The following CHD3 variants were observed in gnomAD, a reference collection of about 807,000 sequenced individuals.
The protein encoded by CHD3 is ATP-dependent chromatin remodeler CHD3.
In CHD3, 52 loss-of-function variants were observed where a neutral mutation model predicts 248.9. That is an observed-to-expected ratio of 0.21 (90% CI 0.17 to 0.26). The LOEUF is 0.26. Among genes scored for constraint, CHD3 ranks in the 10% least tolerant of loss-of-function variants. The pLI, the probability that CHD3 is intolerant of heterozygous loss-of-function variation, is 1.00. For missense variants in CHD3, 1,482 were observed against 2,605.8 expected (o/e 0.57, Z 9.39); for synonymous variants, 985 against 985.2 (o/e 1.00, Z 0.00).
chr17:7,901,083 GGT>G, intron 19 of CHD3, 90 bp downstream of exon 19: 1 of 1,535,262 alleles, frequency 6.5e-7, no homozygotes, highest in South Asian at 1.2e-5. Flanking sequence ...GAGCCACAGG[GGT>G]GGAGCTGGGC....
At position 7,899,630 on chromosome 17, in the gene CHD3, C is replaced by T; in HGVS notation, c.2544+87C>T. On this transcript the variant is annotated intron_variant, in intron 15 of 39. Coordinates refer to ENST00000330494, the MANE Select transcript of CHD3 (RefSeq NM_001005273.3). The surrounding 1 kb of genome is among the most constrained non-coding windows in gnomAD (Gnocchi z 6.8). ...AGGAATTCAGTTTCTCTATTCCCCT[C>T]CTCACCTTTCTCCTCTTCCTCCACC... is the stretch of plus-strand genomic sequence containing the variant. The T allele has an allele frequency of 1.5e-6, 2 of 1,351,150 alleles. No individual in the cohort carries two copies. The highest frequency in any genetic ancestry group is 1.3e-5 in the South Asian group (1 of 77,844). The allele number at this position is 1,351,150 out of a possible 1,614,324, so 83.7% of individuals were successfully genotyped here.
In CHD3 at chr17:7,906,012, T is replaced by A. The variant is rs1183422477; in HGVS notation, c.4358+23T>A. ...TAAGTGAGTGTGGGTGATACAGGGC[T>A]GAGTTGGACGCAAGGGGAAGAGCTT... On this transcript the variant is annotated intron_variant, in intron 28 of 39. Transcript: ENST00000330494. The surrounding 1 kb of genome is among the most constrained non-coding windows in gnomAD (Gnocchi z 5.0). 1 of 1,612,732 alleles carries A rather than the reference T, an allele frequency of 6.2e-7. No homozygotes were observed. The highest frequency in any genetic ancestry group is 8.5e-7 in the Non-Finnish European group (1 of 1,179,060).
Position 7,908,786 on chromosome 17 carries a change from A to C in CHD3, c.5351A>C (p.Asn1784Thr). Reference sequence around the variant, plus strand: ...TTTAAAACTGAAGCCAATAAGGGGAACTTTCTGGAGATGAAAAATAAGTTC... The same window carrying C: ...TTTAAAACTGAAGCCAATAAGGGGACCTTTCTGGAGATGAAAAATAAGTTC... ...EPFKTEANKG[N>T]FLEMKNKFLA... The change falls in exon 36 of 40, where the codon AAC becomes ACC. Residue 1784 changes from asparagine to threonine, a missense_variant. Physicochemically the swap from Asn to Thr is moderately conservative, Grantham distance 65. Around this residue, in one of 20 missense-constraint regions of CHD3, gnomAD observed 27 missense variants for 23.5 expected, o/e 1.15. Coordinates refer to ENST00000330494, the MANE Select transcript of CHD3 (RefSeq NM_001005273.3). The surrounding 1 kb of genome is among the most constrained non-coding windows in gnomAD (Gnocchi z 5.8). 6.2e-7 allele frequency: 1 copy of C among 1,614,166 alleles called. No homozygotes were observed. The highest frequency in any genetic ancestry group is 8.5e-7 in the Non-Finnish European group (1 of 1,179,998).
intron 20 of CHD3, 122 bp from the exon 21 acceptor site, chr17:7,902,488 T>C: frequency 1.7e-6 from 1 of 573,716 alleles, no homozygotes; most frequent in South Asian, 2.9e-5. Flanking sequence ...AATGAGGAGC[T>C]TAAGACAGGG....
rs77130794 is a variant in CHD3 at position 7,899,574 on chromosome 17, C to T, written c.2544+31C>T. 6.7e-5 allele frequency: 106 copies of T among 1,587,204 alleles called. No homozygotes were observed. The East Asian group carries it at 2.1e-3, about 32-fold the overall frequency. On this transcript the variant is annotated intron_variant, in intron 15 of 39. Coordinates refer to ENST00000330494, the MANE Select transcript of CHD3 (RefSeq NM_001005273.3). The surrounding 1 kb of genome is among the most constrained non-coding windows in gnomAD (Gnocchi z 6.8). ...ACCCTCTACCTCATATCCTCTGAGA[C>T]CCTCAAAGCTGTCACTTCTTTTTCT... is the stretch of plus-strand genomic sequence containing the variant.
chr17:7,901,236 C>G lies in CHD3; in HGVS notation c.3121-8C>G. 1.3e-6 allele frequency: 2 copies of G among 1,593,438 alleles called. No homozygotes were observed. Among genetic ancestry groups the G allele is most frequent in the Non-Finnish European group, 1.7e-6 (2 of 1,168,010 alleles). On this transcript the variant is annotated splice_polypyrimidine_tract_variant and splice_region_variant and intron_variant, in intron 19 of 39. Coordinates refer to ENST00000330494, the MANE Select transcript of CHD3 (RefSeq NM_001005273.3). ...ACCCCCTCCTCCTCCTCTCTCCTCC[C>G]TTTTCAGGAGTCCCCCAAACTCCCC... is the stretch of plus-strand genomic sequence containing the variant.
At position 7,889,028 on chromosome 17, in the gene CHD3, T is replaced by C; in HGVS notation, c.28T>C (p.Trp10Arg). 1 of 1,614,224 alleles carries C rather than the reference T, an allele frequency of 6.2e-7. No individual in the cohort carries two copies. The highest frequency in any genetic ancestry group is 8.5e-7 in the Non-Finnish European group (1 of 1,180,036). Residue 10 changes from tryptophan to arginine, a missense_variant, in exon 1 of 40, where the codon TGG becomes CGG. By Grantham distance (101) the Trp-to-Arg change is moderately radical. Coordinates refer to ENST00000330494, the MANE Select transcript of CHD3 (RefSeq NM_001005273.3). The surrounding 1 kb of genome is among the most constrained non-coding windows in gnomAD (Gnocchi z 4.5). Reference sequence around the variant, plus strand: ...GAAGGCGGCAGACACTGTGATCCTGTGGGCAAGAAGTAAAAATGACCAGCT... The same window carrying C: ...GAAGGCGGCAGACACTGTGATCCTGCGGGCAAGAAGTAAAAATGACCAGCT... MKAADTVIL[W>R]ARSKNDQLRI...
intron 4 of CHD3, among the ~76,000 whole-genome samples, chr17:7,891,786 G>C (rs766719282): frequency 4.0e-5 from 6 of 149,884 alleles, no homozygotes; most frequent in Non-Finnish European, 1.5e-5. Flanking sequence ...GCTTGAACCC[G>C]GGAGGCAAAG....
upstream of CHD3, among the ~76,000 whole-genome samples, chr17:7,887,958 G>A (rs1184962732): frequency 6.6e-6 from 1 of 152,266 alleles, no homozygotes; most frequent in Admixed American, 6.5e-5. Flanking sequence ...GGGGTGGGGA[G>A]TAGAGTGAAC....
Position 7,907,785 on chromosome 17 carries a change from T to C in CHD3, c.5026+83T>C. On this transcript the variant is annotated intron_variant, in intron 33 of 39. Transcript: ENST00000330494. The surrounding 1 kb of genome is among the most constrained non-coding windows in gnomAD (Gnocchi z 4.3). ...TCTGGGGAACCGAATGCTTGGGTCC[T>C]GGGCGGGTAGCTGTTTGAAAGGCCA... 1 of 1,504,826 alleles carries C rather than the reference T, an allele frequency of 6.6e-7. No homozygotes were observed. 93.2% of individuals were successfully genotyped at this position (1,504,826 alleles called of 1,614,324 possible).
At position 7,904,689 on chromosome 17, in the gene CHD3, C is replaced by A; in HGVS notation, c.4072+70C>A. The A allele has an allele frequency of 1.4e-6, 2 of 1,390,448 alleles. No individual in the cohort carries two copies. The highest frequency in any genetic ancestry group is 9.9e-7 in the Non-Finnish European group (1 of 1,007,438). The allele number at this position is 1,390,448 out of a possible 1,614,324, so 86.1% of individuals were successfully genotyped here. On this transcript the variant is annotated intron_variant, in intron 25 of 39. Coordinates refer to ENST00000330494, the MANE Select transcript of CHD3 (RefSeq NM_001005273.3). The surrounding 1 kb of genome is among the most constrained non-coding windows in gnomAD (Gnocchi z 4.4). ...ATGAGTAGGGACTTGAAGGCTGGAG[C>A]TATTTAGAGGGAAAGAGAGAAGCCT...
Position 7,910,852 on chromosome 17 carries a change from C to T in CHD3, c.5760C>T (p.Tyr1920=). 1 of 1,600,758 alleles carries T rather than the reference C, an allele frequency of 6.2e-7. No individual in the cohort carries two copies. The stretch of plus-strand genomic sequence containing the variant: ...CTGCTTCCTCTCTGTTCCAGGCCTA[C>T]CCGCCGGGTCCCTACGCTACACCTC... ...KGTEPHPTPA[Y]PPGPYATPPG... is the part of the protein sequence containing the mutation. The change falls in exon 39 of 40, where the codon TAC becomes TAT. Residue 1920 remains tyrosine, a synonymous_variant. Coordinates refer to ENST00000330494, the MANE Select transcript of CHD3 (RefSeq NM_001005273.3). The surrounding 1 kb of genome is among the most constrained non-coding windows in gnomAD (Gnocchi z 4.7).
Position 7,905,243 on chromosome 17 carries a change from A to G in CHD3, c.4138+78A>G. The G allele has an allele frequency of 3.6e-6, 5 of 1,372,420 alleles. No homozygotes were observed. Among genetic ancestry groups the G allele is most frequent in the South Asian group, 1.2e-5 (1 of 85,704 alleles). The allele number at this position is 1,372,420 out of a possible 1,614,324, so 85.0% of individuals were successfully genotyped here. A position where few individuals can be genotyped will look rare whatever the true frequency, so the allele number is the denominator to read the frequency against. ...TTTGCTTTAAGCCCACTGTTTTTAT[A>G]CAAGTAAAAAAGTCTTCGTGTGTGT... is the stretch of plus-strand genomic sequence containing the variant. On this transcript the variant is annotated intron_variant, in intron 26 of 39. Transcript: ENST00000330494. This position sits in a 1 kb window ranked among gnomAD's most constrained non-coding sequence, Gnocchi z 5.8.
rs542907485 is a variant in CHD3 at position 7,910,165 on chromosome 17, TTTC to T, written c.5591-257_5591-255del. ...TCCTTTCCTCCATGCTCCCTTTTTCTTTCTTCTTTCTCTCCATCTGTCTTCTGT... is the reference window on the plus strand; with the variant it reads ...TCCTTTCCTCCATGCTCCCTTTTTCTTTCTTTCTCTCCATCTGTCTTCTGT... On this transcript the variant is annotated intron_variant, in intron 37 of 39. Transcript: ENST00000330494. The surrounding 1 kb of genome is among the most constrained non-coding windows in gnomAD (Gnocchi z 4.7). 2.7e-3 allele frequency: 980 copies of T among 369,732 alleles called. 22 individuals carry two copies. Among genetic ancestry groups the T allele is most frequent in the South Asian group, 0.021 (809 of 39,220 alleles). 22.9% of individuals were successfully genotyped at this position (369,732 alleles called of 1,614,324 possible). A position where few individuals can be genotyped will look rare whatever the true frequency, so the allele number is the denominator to read the frequency against.
upstream of CHD3, among the ~76,000 whole-genome samples, chr17:7,886,962 A>G (rs887138383): frequency 5.3e-5 from 8 of 152,116 alleles, no homozygotes; most frequent in Non-Finnish European, 5.9e-5. The surrounding 1 kb of genome is among the most constrained non-coding windows in gnomAD (Gnocchi z 4.2). Flanking sequence ...GAGGCTGCTT[A>G]CATTTTACAA....
Position 7,895,571 on chromosome 17 carries a change from C to A in CHD3, c.1707+29C>A. Reference sequence around the variant, plus strand: ...CTAGGACCTTTTCTTTCCCTCTCCCCCATGACCTCATTTCCTGCCATCCTC... The same window carrying A: ...CTAGGACCTTTTCTTTCCCTCTCCCACATGACCTCATTTCCTGCCATCCTC... On this transcript the variant is annotated intron_variant, in intron 10 of 39. Transcript: ENST00000330494. The surrounding 1 kb of genome is among the most constrained non-coding windows in gnomAD (Gnocchi z 4.9). 6.3e-7 allele frequency: 1 copy of A among 1,585,794 alleles called. No homozygotes were observed. The highest frequency in any genetic ancestry group is 1.7e-5 in the Admixed American group (1 of 59,744).
rs1404262479 is a variant in CHD3 at position 7,905,495 on chromosome 17, T to C, written c.4139-126T>C. 7 of 720,344 alleles carry C rather than the reference T, an allele frequency of 9.7e-6. No homozygotes were observed. The highest frequency in any genetic ancestry group is 2.9e-5 in the Admixed American group (1 of 34,266). The allele number at this position is 720,344 out of a possible 1,614,324, so 44.6% of individuals were successfully genotyped here. A position where few individuals can be genotyped will look rare whatever the true frequency, so the allele number is the denominator to read the frequency against. ...TAGTTCTGAAGTGCTTGGGAGAGAA[T>C]TGGGAGCACCTCAAACGTGACAGGA... is the stretch of plus-strand genomic sequence containing the variant. On this transcript the variant is annotated intron_variant, in intron 26 of 39. Coordinates refer to ENST00000330494, the MANE Select transcript of CHD3 (RefSeq NM_001005273.3). The surrounding 1 kb of genome is among the most constrained non-coding windows in gnomAD (Gnocchi z 5.8).
Position 7,904,725 on chromosome 17 carries a change from G to A in CHD3, c.4072+106G>A. 1.9e-6 allele frequency: 2 copies of A among 1,048,756 alleles called. No homozygotes were observed. Among genetic ancestry groups the A allele is most frequent in the Non-Finnish European group, 1.4e-6 (1 of 729,438 alleles). 65.0% of individuals were successfully genotyped at this position (1,048,756 alleles called of 1,614,324 possible). ...GAAAGAGAGAAGCCTAGAAGTCAGA[G>A]CCTTCCTCTGCTAAAAGGGAAAGAC... On this transcript the variant is annotated intron_variant, in intron 25 of 39. Coordinates refer to ENST00000330494, the MANE Select transcript of CHD3 (RefSeq NM_001005273.3). This position sits in a 1 kb window ranked among gnomAD's most constrained non-coding sequence, Gnocchi z 4.4.
chr17:7,898,429 T>A (rs1969938025), intron 12 of CHD3, 67 bp from the exon 13 acceptor site: 2 of 1,178,070 alleles, frequency 1.7e-6, no homozygotes, highest in South Asian at 1.3e-5. Flanking sequence ...AGGTCTGGAA[T>A]GGGTTCAGAA....
Sources: gnomAD v4.1 joint callset for allele counts (sites outside exome capture counted in the v4.1 genomes callset) on GRCh38, gnomAD v4.1.1 for gene constraint, gnomAD v4.1.1 regional missense constraint, Gnocchi (gnomAD v3.1) non-coding constraint, MANE v1.5 for transcripts, NCBI Gene and HGNC (gene_info 2026-07-23, HGNC 2026-07-21) for gene names.